The following CKS1B variants were observed in gnomAD, a reference collection of about 807,000 sequenced individuals.
CKS1B encodes the protein CDC28 protein kinase regulatory subunit 1B, also known as cyclin-dependent kinases regulatory subunit 1.
Under a neutral mutation model 12.2 loss-of-function variants are expected in CKS1B, and 5 were observed. That is an observed-to-expected ratio of 0.41 (90% CI 0.21 to 0.86). CKS1B has a LOEUF of 0.86. CKS1B is among the 40% of genes least tolerant of loss of function. The probability of loss-of-function intolerance (pLI) is 0.32; values close to 1 mark genes in which losing one functional copy is unlikely to be tolerated. For synonymous variants in CKS1B, 24 were observed against 34.4 expected, an observed-to-expected ratio of 0.70 and a Z score of 1.06; for missense variants, 53 against 99.9, an observed-to-expected ratio of 0.53 and a Z score of 2.00.
intron 1 of CKS1B, chr1:154,975,119 C>T (rs1447204013): frequency 1.6e-6 from 1 of 625,912 alleles, no homozygotes; most frequent in Non-Finnish European, 2.8e-6. Context: ...ACTTAACTTG[C>T]CTTGTAGAGA....
At chr1:154,976,245 T>C (rs935782326) in intron 1 of CKS1B, among the ~76,000 whole-genome samples, 8 of 152,212 alleles carry the variant, frequency 5.3e-5, no homozygotes, top group Non-Finnish European at 8.8e-5. Flanking sequence ...ATGGTGATGA[T>C]GGAATCCTGG....
chr1:154,978,461 A>G, intron 2 of CKS1B: 1 of 559,270 alleles, frequency 1.8e-6, no homozygotes, highest in Non-Finnish European at 3.1e-6. Flanking sequence ...TTTATTGATA[A>G]GACACCAGAC....
Position 154,974,788 on chromosome 1 carries a change from G to A in CKS1B, c.43G>A (p.Glu15Lys). The change falls in exon 1 of 3, where the codon GAG (glutamate) becomes AAG (lysine). Residue 15 changes from glutamate (E) to lysine (K), a missense_variant. Coordinates refer to ENST00000308987, the MANE Select transcript of CKS1B (RefSeq NM_001826.3). Reference sequence around the variant, plus strand: ...TTACTATTCGGACAAATACGACGACGAGGAGTTTGAGTATCGGTTAGTGCT... The same window carrying A: ...TTACTATTCGGACAAATACGACGACAAGGAGTTTGAGTATCGGTTAGTGCT... ...QIYYSDKYDDEEFEYRHVMLP... is the reference protein window; with the variant it reads ...QIYYSDKYDDKEFEYRHVMLP... The A allele has an allele frequency of 1.2e-6, 2 of 1,613,854 alleles. No individual in the cohort carries two copies. Among genetic ancestry groups the A allele is most frequent in the Non-Finnish European group, 1.7e-6 (2 of 1,179,830 alleles).
intron 1 of CKS1B, among the ~76,000 whole-genome samples, chr1:154,975,336 A>G (rs971547460): frequency 6.6e-6 from 1 of 152,210 alleles, no homozygotes; most frequent in Non-Finnish European, 1.5e-5. Flanking sequence ...GGCTAGGAGC[A>G]TTGAGAAAAT....
chr1:154,976,145 C>T (rs1657178030), intron 1 of CKS1B, among the ~76,000 whole-genome samples: 1 of 152,124 alleles, frequency 6.6e-6, no homozygotes, highest in Non-Finnish European at 1.5e-5. Flanking sequence ...AGGGCAGAGC[C>T]TGAGATGAGA....
chr1:154,976,907 G>A (rs1051851554), intron 1 of CKS1B, among the ~76,000 whole-genome samples: 6 of 152,112 alleles, frequency 3.9e-5, no homozygotes, highest in Non-Finnish European at 5.9e-5. Context: ...TTCACATCAG[G>A]GTAATAATTT....
At chr1:154,976,896 A>G (rs1657200901) in intron 1 of CKS1B, among the ~76,000 whole-genome samples, 1 of 152,188 alleles carries the variant, frequency 6.6e-6, no homozygotes, top group Admixed American at 6.5e-5. Context: ...GATTAGTTTG[A>G]TTCACATCAG....
chr1:154,978,510 G>A, intron 2 of CKS1B: 1 of 589,740 alleles, frequency 1.7e-6, no homozygotes, highest in East Asian at 2.8e-5. Flanking sequence ...GACACCCTGG[G>A]GCTGTATAAA....
At chr1:154,978,235 C>A in intron 2 of CKS1B, 121 bp downstream of exon 2, 1 of 1,043,706 alleles carries the variant, frequency 9.6e-7, no homozygotes, top group Non-Finnish European at 1.3e-6. Context: ...CCCCTCCAGT[C>A]GTGGGGGATT....
chr1:154,974,922 G>A lies in CKS1B; in HGVS notation c.59+118G>A, dbSNP rs531396144. The stretch of plus-strand genomic sequence containing the variant: ...GGCGCATGCGTACGAGGTGCGAACG[G>A]GCAATGGTGTGATATTGTGGAAGGC... On this transcript the variant is annotated intron_variant, in intron 1 of 2. Transcript: ENST00000308987. The A allele has an allele frequency of 1.1e-4, 172 of 1,613,760 alleles. 1 individual carries two copies. Among genetic ancestry groups the A allele is most frequent in the Middle Eastern group, 1.7e-4 (1 of 6,058 alleles).
chr1:154,976,534 C>T (rs1428537961), intron 1 of CKS1B, among the ~76,000 whole-genome samples: 2 of 152,198 alleles, frequency 1.3e-5, no homozygotes, highest in East Asian at 3.8e-4. Context: ...TATGCCAAGA[C>T]GGCTCCAGAC....
chr1:154,977,993 C>T lies in CKS1B; in HGVS notation c.66C>T (p.Val22=), dbSNP rs1325180348. 2.5e-6 allele frequency: 4 copies of T among 1,612,972 alleles called. No homozygotes were observed. Among genetic ancestry groups the T allele is most frequent in the African/African-American group, 1.3e-5 (1 of 74,864 alleles). ...TTCCCCGTTTCTGTTACAGACATGTCATGCTGCCCAAGGACATAGCCAAGC... is the reference window on the plus strand; with the variant it reads ...TTCCCCGTTTCTGTTACAGACATGTTATGCTGCCCAAGGACATAGCCAAGC... ...YDDEEFEYRH[V]MLPKDIAKLV... The change falls in exon 2 of 3, where the codon GTC becomes GTT. Residue 22 remains valine, a synonymous_variant. Transcript: ENST00000308987.
chr1:154,975,199 G>A (rs1278992551), intron 1 of CKS1B: 3 of 581,392 alleles, frequency 5.2e-6, no homozygotes, highest in African/African-American at 1.9e-5. Flanking sequence ...GTTTCCTGGC[G>A]TCCCTAACAG....
rs941162077 is a variant in CKS1B at position 154,978,919 on chromosome 1, G to A, written c.*142G>A. On this transcript the variant is annotated 3_prime_UTR_variant, in exon 3 of 3. Transcript: ENST00000308987. ...TTCAATACACTGTTTGAATGTGCTG[G>A]TAACTGCTTTGCTTCTTGAGTAGAG... is the stretch of plus-strand genomic sequence containing the variant. 4 of 639,404 alleles carry A rather than the reference G, an allele frequency of 6.3e-6. No individual in the cohort carries two copies. Among genetic ancestry groups the A allele is most frequent in the South Asian group, 5.5e-5 (3 of 54,614 alleles). The allele number at this position is 639,404 out of a possible 1,614,324, so 39.6% of individuals were successfully genotyped here.
intron 1 of CKS1B, 182 bp downstream of exon 1, chr1:154,974,986 CAA>C (rs766544681): frequency 1.3e-5 from 20 of 1,584,906 alleles, no homozygotes; most frequent in East Asian, 2.2e-5. Flanking sequence ...GCTCGTAAAA[CAA>C]AGTGGTTGCG....
In CKS1B at chr1:154,978,025, C is replaced by T. The variant is rs1465501822; in HGVS notation, c.98C>T (p.Pro33Leu). The change falls in exon 2 of 3, where the codon CCT becomes CTT. Residue 33 changes from proline to leucine, a missense_variant. Transcript: ENST00000308987. ...CCCAAGGACATAGCCAAGCTGGTCC[C>T]TAAAACCCATCTGATGTCTGAATCT... is the stretch of plus-strand genomic sequence containing the variant. The part of the protein sequence containing the change: ...MLPKDIAKLV[P>L]KTHLMSESEW... The T allele has an allele frequency of 3.3e-5, 53 of 1,613,986 alleles. No individual in the cohort carries two copies. The highest frequency in any genetic ancestry group is 4.3e-5 in the Non-Finnish European group (51 of 1,179,988).
intron 1 of CKS1B, 120 bp downstream of exon 1, chr1:154,974,924 C>T (rs761164707): frequency 6.2e-7 from 1 of 1,613,604 alleles, no homozygotes; most frequent in South Asian, 1.1e-5. Context: ...TGCGAACGGG[C>T]AATGGTGTGA....
intron 2 of CKS1B, chr1:154,978,497 A>AG: frequency 1.8e-6 from 1 of 564,764 alleles, no homozygotes. Flanking sequence ...AAAACTAATA[A>AG]GGGACACCCT....
At chr1:154,974,936 A>G (rs765527358) in intron 1 of CKS1B, 132 bp downstream of exon 1, 4 of 1,613,644 alleles carry the variant, frequency 2.5e-6, no homozygotes, top group Non-Finnish European at 3.4e-6. Context: ...ATGGTGTGAT[A>G]TTGTGGAAGG....
Sources: gnomAD v4.1 joint callset for allele counts (sites outside exome capture counted in the v4.1 genomes callset) on GRCh38, gnomAD v4.1.1 for gene constraint, MANE v1.5 for transcripts, NCBI Gene and HGNC (gene_info 2026-07-23, HGNC 2026-07-21) for gene names.